The following GALNT13 variants were observed in gnomAD, a reference collection of about 807,000 sequenced individuals.
The protein encoded by GALNT13 is polypeptide N-acetylgalactosaminyltransferase 13, also known as UDP-GalNAc:polypeptide N-acetylgalactosaminyltransferase 13.
Under a neutral mutation model 64.2 loss-of-function variants are expected in GALNT13, and 28 were observed. The observed-to-expected ratio is 0.44, with a 90% CI of 0.32 to 0.60. The LOEUF is 0.60. Ranked by LOEUF, GALNT13 falls within the 20% of genes least tolerant of loss-of-function variation. The pLI, the probability that GALNT13 is intolerant of heterozygous loss-of-function variation, is 0.05. For missense variants in GALNT13, 577 were observed against 669.8 expected, an observed-to-expected ratio of 0.86 and a Z score of 1.53; for synonymous variants, 214 against 224.6, an observed-to-expected ratio of 0.95 and a Z score of 0.42.
the GALNT13 span, among the ~76,000 whole-genome samples, chr2:153,811,829 A>G: frequency 2.0e-5 from 3 of 152,218 alleles, no homozygotes; most frequent in African/African-American, 7.2e-5. Flanking sequence ...CTGGGGAACA[A>G]CAGTAAGTGT....
At chr2:154,381,356 C>T (rs1220395810) in intron 9 of GALNT13, among the ~76,000 whole-genome samples, 1 of 152,036 alleles carries the variant, frequency 6.6e-6, no homozygotes, top group East Asian at 1.9e-4. Flanking sequence ...GATCACTTTC[C>T]TCAGAGAAGA....
chr2:153,093,279 C>T, the GALNT13 span, among the ~76,000 whole-genome samples: 1 of 133,462 alleles, frequency 7.5e-6, no homozygotes, highest in South Asian at 2.3e-4. Context: ...TGCTCTGTTG[C>T]CCAGGCTGGA....
At chr2:153,986,311 A>G (rs914660840) in intron 3 of GALNT13, among the ~76,000 whole-genome samples, 2 of 152,004 alleles carry the variant, frequency 1.3e-5, no homozygotes, top group Non-Finnish European at 2.9e-5. Context: ...ACTCAAAAAT[A>G]TATATCCCTC....
At chr2:153,939,687 C>T (rs1282555255) in intron 2 of GALNT13, among the ~76,000 whole-genome samples, 1 of 152,184 alleles carries the variant, frequency 6.6e-6, no homozygotes, top group Admixed American at 6.5e-5. Flanking sequence ...GGAGAATCCT[C>T]ATTGTTTTTT....
At chr2:153,152,588 C>T in the GALNT13 span, among the ~76,000 whole-genome samples, 3 of 151,834 alleles carry the variant, frequency 2.0e-5, no homozygotes, top group South Asian at 6.2e-4. Context: ...CCAAAAGGTC[C>T]TAGTGTGTGC....
the GALNT13 span, among the ~76,000 whole-genome samples, chr2:153,323,075 C>G: frequency 1.3e-5 from 2 of 152,212 alleles, no homozygotes; most frequent in Non-Finnish European, 2.9e-5. Context: ...AGTCGCCACA[C>G]TGTCTTCCAC....
the GALNT13 span, among the ~76,000 whole-genome samples, chr2:153,127,265 T>A: frequency 6.6e-6 from 1 of 152,198 alleles, no homozygotes; most frequent in African/African-American, 2.4e-5. Flanking sequence ...ACCTTAGTAA[T>A]TGATTTCACC....
the GALNT13 span, among the ~76,000 whole-genome samples, chr2:153,720,676 G>A: frequency 1.3e-5 from 2 of 151,594 alleles, no homozygotes; most frequent in Non-Finnish European, 2.9e-5. Flanking sequence ...AGAAGCCTCA[G>A]GAGCCGATGC....
chr2:153,732,450 A>T, the GALNT13 span, among the ~76,000 whole-genome samples: 1 of 152,012 alleles, frequency 6.6e-6, no homozygotes, highest in Non-Finnish European at 1.5e-5. Flanking sequence ...TGATTCTCAT[A>T]TGTGGTTAAT....
At chr2:153,574,306 G>T in the GALNT13 span, among the ~76,000 whole-genome samples, 1 of 151,950 alleles carries the variant, frequency 6.6e-6, no homozygotes, top group Non-Finnish European at 1.5e-5. Flanking sequence ...TTGGGAGTTT[G>T]ATTATTAAAT....
At chr2:153,759,975 TA>T in the GALNT13 span, among the ~76,000 whole-genome samples, 1 of 152,104 alleles carries the variant, frequency 6.6e-6, no homozygotes, top group African/African-American at 2.4e-5. Flanking sequence ...CTTTAATGGT[TA>T]TTTTTTATAT....
chr2:153,861,559 C>CTTTTTTTTTTT, the GALNT13 span, among the ~76,000 whole-genome samples: 2 of 118,202 alleles, frequency 1.7e-5, no homozygotes, highest in African/African-American at 6.6e-5. Context: ...TTCTTTCTTT[C>CTTTTTTTTTTT]TTTTTTTTTT....
chr2:153,383,831 A>C, the GALNT13 span, among the ~76,000 whole-genome samples: 1,020 of 152,178 alleles, frequency 6.7e-3, 4 homozygotes, highest in Non-Finnish European at 0.012. Flanking sequence ...CAGAAAAATC[A>C]AACTGTGACT....
the GALNT13 span, among the ~76,000 whole-genome samples, chr2:153,389,185 T>A: frequency 6.6e-6 from 1 of 152,222 alleles, no homozygotes; most frequent in Non-Finnish European, 1.5e-5. Flanking sequence ...GTGTCTTCCC[T>A]GTTACTAATT....
At chr2:154,416,186 T>C (rs549727044) in intron 11 of GALNT13, among the ~76,000 whole-genome samples, 1 of 152,250 alleles carries the variant, frequency 6.6e-6, no homozygotes, top group East Asian at 1.9e-4. Flanking sequence ...TCTGGGTTGC[T>C]ATAATAAACA....
chr2:153,807,942 T>C, the GALNT13 span, among the ~76,000 whole-genome samples: 169 of 152,266 alleles, frequency 1.1e-3, 2 homozygotes, highest in African/African-American at 3.9e-3. Context: ...TTTCATATGA[T>C]TTTGATAAAT....
At chr2:154,137,332 A>T (rs1048297259) in intron 3 of GALNT13, among the ~76,000 whole-genome samples, 2 of 142,928 alleles carry the variant, frequency 1.4e-5, no homozygotes, top group African/African-American at 5.2e-5. Context: ...CACACATTTT[A>T]AAAATGTCAA....
At chr2:153,679,291 G>T in the GALNT13 span, among the ~76,000 whole-genome samples, 108 of 151,890 alleles carry the variant, frequency 7.1e-4, no homozygotes, top group Non-Finnish European at 1.3e-3. Flanking sequence ...TCCTTGTTCT[G>T]TAATACTCAC....
the GALNT13 span, among the ~76,000 whole-genome samples, chr2:153,510,256 A>G: frequency 6.6e-6 from 1 of 152,152 alleles, no homozygotes; most frequent in South Asian, 2.1e-4. Flanking sequence ...GACAAGGGTA[A>G]ACGTTTCTGG....
Sources: allele counts gnomAD v4.1 joint callset (sites outside exome capture counted in the v4.1 genomes callset), GRCh38; gene constraint gnomAD v4.1.1; transcripts MANE v1.5; gene names NCBI Gene and HGNC (gene_info 2026-07-23, HGNC 2026-07-21).